The following NOSTRIN variants were observed in gnomAD, a reference collection of about 807,000 sequenced individuals.
NOSTRIN encodes the protein BM247 homolog.
NOSTRIN carries 63 observed loss-of-function variants against 59.0 expected under a neutral mutation model. That is an observed-to-expected ratio of 1.07 (90% CI 0.87 to 1.32). The LOEUF is 1.32. Among genes scored for constraint, NOSTRIN ranks in the 40% most tolerant of loss-of-function variants. The pLI, the probability that NOSTRIN is intolerant of heterozygous loss-of-function variation, is 0.00. For synonymous variants in NOSTRIN, 200 were observed against 165.4 expected, an observed-to-expected ratio of 1.21 and a Z score of -1.61; for missense variants, 512 against 473.1, an observed-to-expected ratio of 1.08 and a Z score of -0.76.
rs374903790 is a variant in NOSTRIN, at chr2:168,834,349, C to T, written c.504+24C>T. On this transcript the variant is annotated intron_variant, in intron 7 of 15. Coordinates refer to ENST00000317647, the MANE Select transcript of NOSTRIN (RefSeq NM_001039724.4). ...AGGTAAGCTGTCATGGCTGGCTGGG[C>T]GCATGTGCCATAGAGAGGGATGGAC... 1.6e-5 allele frequency: 14 copies of T among 868,948 alleles called. 1 individual carries two copies. The highest frequency in any genetic ancestry group is 6.6e-5 in the South Asian group (5 of 76,118). 53.8% of individuals were successfully genotyped at this position (868,948 alleles called of 1,614,324 possible). A position where few individuals can be genotyped will look rare whatever the true frequency, so the allele number is the denominator to read the frequency against.
intron 1 of NOSTRIN, among the ~76,000 whole-genome samples, chr2:168,787,463 C>G (rs982321324): frequency 6.6e-6 from 1 of 152,158 alleles, no homozygotes; most frequent in Admixed American, 6.5e-5. Context: ...TTAGTCTTCC[C>G]AGAAAGCCTT....
In NOSTRIN at chr2:168,824,822, G is replaced by A. The variant is rs903303669; in HGVS notation, c.197+105G>A. On this transcript the variant is annotated intron_variant, in intron 3 of 15. Transcript: ENST00000317647. ...GACAGGGTCTTGCTCTGTTACCTGG[G>A]TTAGAGTGCAGTGGCACAATCACAG... The A allele has an allele frequency of 3.6e-5, 24 of 661,464 alleles. No homozygotes were observed. In the African/African-American group the frequency reaches 4.3e-4, roughly 12 times the overall value. 41.0% of individuals were successfully genotyped at this position (661,464 alleles called of 1,614,324 possible).
chr2:168,849,211 A>G (rs903053863), intron 8 of NOSTRIN, among the ~76,000 whole-genome samples: 4 of 152,060 alleles, frequency 2.6e-5, no homozygotes, highest in Non-Finnish European at 4.4e-5. Flanking sequence ...AACTTCTCCA[A>G]AGCCTTGTTC....
At chr2:168,813,456 A>T (rs545180284) in intron 2 of NOSTRIN, among the ~76,000 whole-genome samples, 2 of 152,278 alleles carry the variant, frequency 1.3e-5, no homozygotes, top group East Asian at 3.9e-4. Context: ...TCTTTTTTCT[A>T]GATCACTCCA....
chr2:168,852,470 G>A (rs537770580), intron 10 of NOSTRIN, among the ~76,000 whole-genome samples: 1 of 152,264 alleles, frequency 6.6e-6, no homozygotes, highest in Non-Finnish European at 1.5e-5. Flanking sequence ...CTTAATTGTA[G>A]TGTTCTAGGA....
In NOSTRIN at chr2:168,831,543, C is replaced by A; in HGVS notation, c.405+9C>A. 1.2e-6 allele frequency: 1 copy of A among 857,718 alleles called. No individual in the cohort carries two copies. The highest frequency in any genetic ancestry group is 2.0e-6 in the Non-Finnish European group (1 of 489,338). 53.1% of individuals were successfully genotyped at this position (857,718 alleles called of 1,614,324 possible). ...GGAATCAGCAAATTAAGGCAAGTAT[C>A]CACAAATACCATTTGTGTAAACTCA... is the stretch of plus-strand genomic sequence containing the variant. On this transcript the variant is annotated intron_variant, in intron 6 of 15. Transcript: ENST00000317647.
chr2:168,851,287 G>T lies in NOSTRIN; in HGVS notation c.738G>T (p.Thr246=). Residue 246 remains threonine (T), a synonymous_variant, in exon 10 of 16, where the codon ACG becomes ACT. Transcript: ENST00000317647. ...TCCCCTTGGCATTGCAGTGCCACAC[G>T]CAGATTCACTGTGCCATCAGCAAGA... ...LFGQTLTTCH[T]QIHCAISKID... is the part of the protein sequence containing the mutation. The T allele has an allele frequency of 1.2e-6, 2 of 1,613,702 alleles. No individual in the cohort carries two copies. Among genetic ancestry groups the T allele is most frequent in the Non-Finnish European group, 1.7e-6 (2 of 1,179,936 alleles).
At position 168,851,157 on chromosome 2, in the gene NOSTRIN, C is replaced by G; in HGVS notation, c.704C>G (p.Ser235Cys). The G allele has an allele frequency of 6.2e-7, 1 of 1,612,634 alleles. No individual in the cohort carries two copies. The highest frequency in any genetic ancestry group is 8.5e-7 in the Non-Finnish European group (1 of 1,178,592). ...TTAAACCAGTACAGCCAACATATTT[C>G]TCTTTTTGGCCAAACCCTGACCACA... ...NNLNQYSQHI[S>C]LFGQTLTTCH... Residue 235 changes from serine to cysteine, a missense_variant, in exon 9 of 16, where the codon TCT (serine) becomes TGT (cysteine). Physicochemically the swap from Ser to Cys is moderately radical, Grantham distance 112. Transcript: ENST00000317647.
chr2:168,864,887 T>C lies in NOSTRIN; in HGVS notation c.1438T>C (p.Leu480=). The change falls in exon 16 of 16, where the codon TTG becomes CTG. Residue 480 remains leucine (L), a synonymous_variant. Transcript: ENST00000317647. The stretch of plus-strand genomic sequence containing the variant: ...AGAAGGAGGATGGTGGTTTGGATCT[T>C]TGAATGGGAAAAAAGGCCATTTTCC... ...KKEGGWWFGS[L]NGKKGHFPAA... is the part of the protein sequence containing the mutation. The C allele has an allele frequency of 1.2e-6, 2 of 1,614,050 alleles. No homozygotes were observed. The highest frequency in any genetic ancestry group is 1.7e-6 in the Non-Finnish European group (2 of 1,179,982).
At chr2:168,796,897 C>A (rs1208505842), upstream of NOSTRIN, among the ~76,000 whole-genome samples, 1 of 151,918 alleles carries the variant, frequency 6.6e-6, no homozygotes, top group East Asian at 1.9e-4. Flanking sequence ...CCCTGCCTTG[C>A]CAAAAAAGAG....
Position 168,851,409 on chromosome 2 carries a change from GTA to G in NOSTRIN, c.855+7_855+8del. 1 of 1,594,976 alleles carries G rather than the reference GTA, an allele frequency of 6.3e-7. No homozygotes were observed. Among genetic ancestry groups the G allele is most frequent in the Non-Finnish European group, 8.5e-7 (1 of 1,174,620 alleles). ...TTCCTGTTAACGGATTACTTTGTGAGTATGAAATGGAAAAAAAAAGTTACATT... is the reference window on the plus strand; with the variant it reads ...TTCCTGTTAACGGATTACTTTGTGAGTGAAATGGAAAAAAAAAGTTACATT... On this transcript the variant is annotated splice_donor_region_variant and intron_variant, in intron 10 of 15. Coordinates refer to ENST00000317647, the MANE Select transcript of NOSTRIN (RefSeq NM_001039724.4).
At chr2:168,851,805 A>G (rs562666206) in intron 10 of NOSTRIN, among the ~76,000 whole-genome samples, 26 of 152,106 alleles carry the variant, frequency 1.7e-4, no homozygotes, top group African/African-American at 5.5e-4. Flanking sequence ...AACATGTATT[A>G]TCTCATAGTT....
rs1439850931 is a variant in NOSTRIN, at chr2:168,828,513, CCTTTCTTTACTCTT to C, written c.342+14_342+27del. The C allele has an allele frequency of 1.2e-6, 1 of 849,774 alleles. No homozygotes were observed. The highest frequency in any genetic ancestry group is 1.9e-5 in the Admixed American group (1 of 53,678). 52.6% of individuals were successfully genotyped at this position (849,774 alleles called of 1,614,324 possible). A position where few individuals can be genotyped will look rare whatever the true frequency, so the allele number is the denominator to read the frequency against. ...AGAAGAGAAAATCAGTGAGTCCAAACCTTTCTTTACTCTTCCTGTTTAAAGCAAGATTCCTGTGT... is the reference window on the plus strand; with the variant it reads ...AGAAGAGAAAATCAGTGAGTCCAAACCCTGTTTAAAGCAAGATTCCTGTGT... On this transcript the variant is annotated intron_variant, in intron 5 of 15. Transcript: ENST00000317647.
rs201763908 is a variant in NOSTRIN, at chr2:168,851,286, C to T, written c.737C>T (p.Thr246Met). The T allele has an allele frequency of 4.2e-5, 68 of 1,613,762 alleles. No homozygotes were observed. The highest frequency in any genetic ancestry group is 3.3e-4 in the Middle Eastern group (2 of 6,060). Residue 246 changes from threonine (T) to methionine (M), a missense_variant, in exon 10 of 16, where the codon ACG (threonine) becomes ATG (methionine). Thr to Met is a moderately conservative substitution (Grantham distance 81). Transcript: ENST00000317647. The stretch of plus-strand genomic sequence containing the variant: ...TTCCCCTTGGCATTGCAGTGCCACA[C>T]GCAGATTCACTGTGCCATCAGCAAG... Reference protein sequence around the residue: ...LFGQTLTTCHTQIHCAISKID... With the variant: ...LFGQTLTTCHMQIHCAISKID...
At chr2:168,835,250 T>C (rs575294506) in intron 7 of NOSTRIN, among the ~76,000 whole-genome samples, 6 of 152,076 alleles carry the variant, frequency 3.9e-5, no homozygotes, top group Admixed American at 1.3e-4. Flanking sequence ...AATTTTTTTT[T>C]GCATTTTTAG....
intron 6 of NOSTRIN, among the ~76,000 whole-genome samples, chr2:168,833,212 C>A (rs538904374): frequency 6.6e-6 from 1 of 152,272 alleles, no homozygotes. Context: ...ATGAAGTAGT[C>A]TATTTGGGAG....
chr2:168,825,950 C>G (rs902142366), intron 3 of NOSTRIN, among the ~76,000 whole-genome samples: 1 of 152,166 alleles, frequency 6.6e-6, no homozygotes, highest in Non-Finnish European at 1.5e-5. Flanking sequence ...TTTTAGTAGA[C>G]TACAGTGAAG....
rs185205435 is a variant in NOSTRIN, at chr2:168,788,370, T to C, written c.-473+322T>C. On this transcript the variant is annotated intron_variant, in intron 2 of 20. Coordinates refer to the NOSTRIN transcript ENST00000458381. ...CAAATAGGACAGAGCAGAGCAGATA[T>C]CTCTGCTAGGTGAGGGAATCACTGT... is the stretch of plus-strand genomic sequence containing the variant. Among the ~76,000 whole-genome samples the C allele has an allele frequency of 3.0e-3, 453 of 152,250 alleles. 2 individuals are homozygous for C. The highest frequency in any genetic ancestry group is 4.5e-3 in the Non-Finnish European group (307 of 68,022).
intron 2 of NOSTRIN, among the ~76,000 whole-genome samples, chr2:168,790,755 A>C (rs1449881624): frequency 6.6e-6 from 1 of 152,148 alleles, no homozygotes; most frequent in Non-Finnish European, 1.5e-5. Flanking sequence ...AATTGGTGGA[A>C]CTCAGGGTTA....
Sources: allele counts gnomAD v4.1 joint callset (sites outside exome capture counted in the v4.1 genomes callset), GRCh38; gene constraint gnomAD v4.1.1; transcripts MANE v1.5; gene names NCBI Gene and HGNC (gene_info 2026-07-23, HGNC 2026-07-21).